Variants in MALRD1 observed in about 807,000 individuals in gnomAD.
The protein encoded by MALRD1 is MAM and LDL-receptor class A domain-containing protein 1.
In MALRD1, 247 loss-of-function variants were observed where a neutral mutation model predicts 242.1. The ratio of observed to expected loss-of-function variants is 1.02; its 90% confidence interval spans 0.92 to 1.13. The LOEUF is 1.13. Ranked by LOEUF, MALRD1 falls within the 50% of genes most tolerant of loss-of-function variation. MALRD1 has a pLI of 0.00. For synonymous variants in MALRD1, 995 were observed against 866.6 expected (o/e 1.15, Z -2.60); for missense variants, 2,989 against 2,533.1 (o/e 1.18, Z -3.86).
At chr10:19,683,177 A>C (rs1842446638) in intron 36 of MALRD1, among the ~76,000 whole-genome samples, 1 of 152,126 alleles carries the variant, frequency 6.6e-6, no homozygotes, top group Admixed American at 6.5e-5. Context: ...AGAATTGGTA[A>C]GCCATGAAAA....
At chr10:19,685,796 A>G (rs1013868523) in intron 36 of MALRD1, among the ~76,000 whole-genome samples, 1 of 152,148 alleles carries the variant, frequency 6.6e-6, no homozygotes, top group African/African-American at 2.4e-5. Flanking sequence ...TCTTACCACA[A>G]TTATCCATTG....
chr10:19,485,977 T>C (rs1029811796), intron 29 of MALRD1, among the ~76,000 whole-genome samples: 3 of 152,096 alleles, frequency 2.0e-5, no homozygotes, highest in Non-Finnish European at 2.9e-5. Flanking sequence ...ATTTATGATA[T>C]GATAAATATA....
In MALRD1 at chr10:19,352,106, T is replaced by C. The variant is rs10827306; in HGVS notation, c.4250T>C (p.Val1417Ala). 883,799 of 1,550,156 alleles carry C rather than the reference T, an allele frequency of 0.57. 253,693 individuals carry two copies. Among genetic ancestry groups the C allele is most frequent in the Middle Eastern group, 0.59 (3,536 of 5,990 alleles). The change falls in exon 26 of 40, where the codon GTA becomes GCA. Residue 1417 changes from valine (V) to alanine (A), a missense_variant. Transcript: ENST00000454679. ...ACGAAGGTTCTACTTAACCTCACTG[T>C]AGAACAAGGCAATTTCTGGCGGAGA... ...NQTKVLLNLT[V>A]EQGNFWRREE...
chr10:19,490,747 T>A (rs1198087787), intron 29 of MALRD1, among the ~76,000 whole-genome samples: 1 of 152,230 alleles, frequency 6.6e-6, no homozygotes, highest in Non-Finnish European at 1.5e-5. Context: ...ATTCATTTCC[T>A]GAAGTCTGCT....
chr10:19,308,177 A>G (rs1588887837), intron 21 of MALRD1, among the ~76,000 whole-genome samples: 1 of 150,742 alleles, frequency 6.6e-6, no homozygotes, highest in South Asian at 2.1e-4. Flanking sequence ...TTTCGTCTAG[A>G]CTCCCACTAC....
chr10:19,263,143 C>G (rs1839827740), intron 19 of MALRD1, among the ~76,000 whole-genome samples: 1 of 152,012 alleles, frequency 6.6e-6, no homozygotes, highest in Admixed American at 6.5e-5. Context: ...TTTTATTGCC[C>G]CTGGATATAC....
intron 33 of MALRD1, among the ~76,000 whole-genome samples, chr10:19,575,493 A>G (rs1275960724): frequency 6.6e-6 from 1 of 151,816 alleles, no homozygotes; most frequent in Non-Finnish European, 1.5e-5. Context: ...TCACACACAC[A>G]CACACACACA....
At chr10:19,144,597 G>A (rs1036253793) in intron 10 of MALRD1, among the ~76,000 whole-genome samples, 24 of 152,150 alleles carry the variant, frequency 1.6e-4, no homozygotes, top group Admixed American at 6.5e-4. Flanking sequence ...TAAATTGGCC[G>A]TATTAAAATT....
intron 18 of MALRD1, among the ~76,000 whole-genome samples, chr10:19,225,660 G>A (rs1055767341): frequency 7.2e-5 from 11 of 151,970 alleles, no homozygotes; most frequent in Admixed American, 5.9e-4. Context: ...TACACCCACC[G>A]TTTCCCTGAC....
At chr10:19,636,032 C>G (rs1239158926) in intron 36 of MALRD1, among the ~76,000 whole-genome samples, 2 of 152,120 alleles carry the variant, frequency 1.3e-5, no homozygotes, top group African/African-American at 4.8e-5. Flanking sequence ...TTCCCAGTAG[C>G]TGGGATTACA....
chr10:19,278,111 C>G (rs887424741), intron 19 of MALRD1, among the ~76,000 whole-genome samples: 9 of 152,116 alleles, frequency 5.9e-5, no homozygotes. Context: ...GTCTGCTCTC[C>G]AGTTCCATAT....
At chr10:19,522,825 G>T (rs7921915) in intron 31 of MALRD1, among the ~76,000 whole-genome samples, 37,810 of 151,962 alleles carry the variant, frequency 0.25, 7,517 homozygotes, top group African/African-American at 0.56. Flanking sequence ...ACTCAGAGCT[G>T]GTCTTTAAAA....
intron 32 of MALRD1, among the ~76,000 whole-genome samples, chr10:19,541,946 G>T (rs1451256839): frequency 6.6e-6 from 1 of 152,138 alleles, no homozygotes; most frequent in Non-Finnish European, 1.5e-5. Context: ...TAGGCAGGAT[G>T]GGAAGGTCCT....
At chr10:19,155,556 GTT>G (rs1834112409) in intron 12 of MALRD1, among the ~76,000 whole-genome samples, 1 of 152,182 alleles carries the variant, frequency 6.6e-6, no homozygotes, top group Non-Finnish European at 1.5e-5. Flanking sequence ...TGAAATTTGA[GTT>G]TTTTAAATGA....
In MALRD1 at chr10:19,212,803, G is replaced by A. The variant is rs12254314; in HGVS notation, c.2991+3123G>A. On this transcript the variant is annotated intron_variant, in intron 18 of 39. Transcript: ENST00000454679. ...TAGCTATTTAAAAATAGATAGTGGC[G>A]TCTCGTTTTGGTTTTAATTTGCATT... Among the ~76,000 whole-genome samples, 467 of 152,190 alleles carry A rather than the reference G, an allele frequency of 3.1e-3. 2 individuals are homozygous for A. Among genetic ancestry groups the A allele is most frequent in the African/African-American group, 0.011 (442 of 41,526 alleles).
intron 15 of MALRD1, 122 bp from the exon 16 acceptor site, chr10:19,204,186 A>G (rs1041641578): frequency 5.7e-6 from 4 of 703,908 alleles, no homozygotes; most frequent in South Asian, 4.0e-5. Context: ...CTGATTGATT[A>G]TTGTATAATT....
At chr10:19,101,950 GTATC>G (rs1327868050) in intron 4 of MALRD1, among the ~76,000 whole-genome samples, 1 of 132,158 alleles carries the variant, frequency 7.6e-6, no homozygotes, top group Non-Finnish European at 1.6e-5. Context: ...AAAAATATCT[GTATC>G]TATATAATAT....
Position 19,381,555 on chromosome 10 carries a change from C to T in MALRD1, c.4442-5973C>T, listed in dbSNP as rs192821961. ...TTGAAAAATGGGTTATGGCCAGGCA[C>T]GGTGGCTCACGCTTGTAATCCCAGC... On this transcript the variant is annotated intron_variant, in intron 26 of 39. Transcript: ENST00000454679. 2.6e-5 allele frequency among the ~76,000 whole-genome samples: 4 copies of T among 151,748 alleles called. No homozygotes were observed. The East Asian group carries it at 5.8e-4, about 22-fold the overall frequency.
chr10:19,694,731 C>T (rs963620067), intron 38 of MALRD1, among the ~76,000 whole-genome samples: 10 of 152,088 alleles, frequency 6.6e-5, no homozygotes, highest in African/African-American at 2.4e-4. Context: ...GGTATATACC[C>T]AAAGGGATAT....
Sources: gnomAD v4.1 joint callset for allele counts (sites outside exome capture counted in the v4.1 genomes callset) on GRCh38, gnomAD v4.1.1 for gene constraint, MANE v1.5 for transcripts, NCBI Gene and HGNC (gene_info 2026-07-23, HGNC 2026-07-21) for gene names.